The following TRPM3 variants were observed in gnomAD, a reference collection of about 807,000 sequenced individuals.
TRPM3 encodes the protein transient receptor potential cation channel subfamily M member 3, also known as long transient receptor potential channel 3.
In TRPM3, 77 loss-of-function variants were observed where a neutral mutation model predicts 181.2. The observed-to-expected ratio is 0.42, with a 90% CI of 0.35 to 0.51. The LOEUF is 0.51. TRPM3 is among the 20% of genes least tolerant of loss of function. The pLI, the probability that TRPM3 is intolerant of heterozygous loss-of-function variation, is 0.01. For missense variants in TRPM3, 1,759 were observed against 2,196.7 expected (o/e 0.80, Z 3.98); for synonymous variants, 745 against 796.4 (o/e 0.94, Z 1.09).
At chr9:70,818,937 C>T (rs2131550893) in intron 6 of TRPM3, among the ~76,000 whole-genome samples, 1 of 152,258 alleles carries the variant, frequency 6.6e-6, no homozygotes, top group East Asian at 1.9e-4. Context: ...GACGCCAGAG[C>T]CTTCACAGGT....
chr9:71,235,050 C>T (rs79563998), intron 1 of TRPM3, among the ~76,000 whole-genome samples: 1,652 of 152,322 alleles, frequency 0.011, 27 homozygotes, highest in East Asian at 0.074. Flanking sequence ...CTGATGACAG[C>T]GCCAACCTAT....
Position 71,032,085 on chromosome 9 carries a change from A to AC in TRPM3, c.177+89092_177+89093insG, listed in dbSNP as rs373297517. Among the ~76,000 whole-genome samples the AC allele has an allele frequency of 4.9e-3, 57 of 11,666 alleles. 3 individuals carry two copies. The highest frequency in any genetic ancestry group is 5.7e-3 in the Non-Finnish European group (46 of 8,016). The allele number at this position is 11,666 out of a possible 152,430, so 7.7% of individuals were successfully genotyped here. ...ATATATATTATATTATATTATATATATATAATTATATAATATTATATATAT... is the reference window on the plus strand; with the variant it reads ...ATATATATTATATTATATTATATATACTATAATTATATAATATTATATATAT... On this transcript the variant is annotated intron_variant, in intron 1 of 25. Coordinates refer to ENST00000677713, the MANE Select transcript of TRPM3 (RefSeq NM_001366145.2).
intron 1 of TRPM3, among the ~76,000 whole-genome samples, chr9:70,954,458 C>G (rs2097043378): frequency 6.6e-6 from 1 of 152,128 alleles, no homozygotes; most frequent in Admixed American, 6.6e-5. Flanking sequence ...CATCCTGTTT[C>G]CTTGTCTCTA....
intron 1 of TRPM3, among the ~76,000 whole-genome samples, chr9:71,128,700 C>A (rs562282322): frequency 1.1e-4 from 17 of 152,218 alleles, no homozygotes; most frequent in African/African-American, 4.1e-4. Flanking sequence ...AAATAACTTA[C>A]GAATTAATAT....
At chr9:70,813,484 A>T (rs1030177870) in intron 6 of TRPM3, among the ~76,000 whole-genome samples, 1 of 152,178 alleles carries the variant, frequency 6.6e-6, no homozygotes, top group Non-Finnish European at 1.5e-5. Context: ...ATACAAACAT[A>T]AAGACAGAAA....
chr9:70,677,828 C>T (rs897883931), intron 9 of TRPM3, among the ~76,000 whole-genome samples: 3 of 152,024 alleles, frequency 2.0e-5, no homozygotes, highest in Non-Finnish European at 4.4e-5. Context: ...AAAGGGATCG[C>T]CCCCTTTCCA....
intron 1 of TRPM3, among the ~76,000 whole-genome samples, chr9:70,965,897 T>A (rs931358771): frequency 6.6e-6 from 1 of 151,958 alleles, no homozygotes; most frequent in African/African-American, 2.4e-5. Flanking sequence ...AAATGGGATC[T>A]CTTTAAACTA....
chr9:70,947,320 T>G (rs564296659), intron 1 of TRPM3, among the ~76,000 whole-genome samples: 1 of 152,336 alleles, frequency 6.6e-6, no homozygotes, highest in African/African-American at 2.4e-5. Context: ...TGTCTTCTTC[T>G]GTGAAGTAAC....
intron 1 of TRPM3, among the ~76,000 whole-genome samples, chr9:71,343,190 G>A (rs139646074): frequency 4.3e-4 from 66 of 151,932 alleles, no homozygotes; most frequent in Admixed American, 9.9e-4. Context: ...CCTTGAGAGC[G>A]CATAAATGTT....
intron 5 of TRPM3, among the ~76,000 whole-genome samples, chr9:70,839,312 A>T (rs962006716): frequency 2.6e-5 from 4 of 152,178 alleles, no homozygotes; most frequent in African/African-American, 9.6e-5. Flanking sequence ...CACTTAAGTA[A>T]CATGAAGCCC....
intron 1 of TRPM3, among the ~76,000 whole-genome samples, chr9:71,156,647 T>A (rs1397547092): frequency 6.6e-6 from 1 of 152,124 alleles, no homozygotes; most frequent in Admixed American, 6.6e-5. Context: ...TTTCAAGTTA[T>A]TAATAAGACA....
chr9:70,543,637 C>T (rs2044093363), intron 25 of TRPM3, among the ~76,000 whole-genome samples: 1 of 152,066 alleles, frequency 6.6e-6, no homozygotes, highest in African/African-American at 2.4e-5. Flanking sequence ...CTAGTAATAG[C>T]TATGTTTCTG....
At position 70,917,158 on chromosome 9, in the gene TRPM3, G is replaced by A. The variant is rs142992638; in HGVS notation, c.178-52647C>T. 7.1e-4 allele frequency: 1,135 copies of A among 1,605,770 alleles called. 8 individuals carry two copies. The African/African-American group carries it at 0.014, about 19-fold the overall frequency. On this transcript the variant is annotated intron_variant, in intron 1 of 25. Coordinates refer to ENST00000677713, the MANE Select transcript of TRPM3 (RefSeq NM_001366145.2). ...GTTCGGCCACATCTGGGGCATACTG[G>A]TCCAGTTCTAGGAGGAGTTTCTGCT...
chr9:71,323,937 T>A (rs2089456798), intron 1 of TRPM3, among the ~76,000 whole-genome samples: 1 of 152,150 alleles, frequency 6.6e-6, no homozygotes, highest in Non-Finnish European at 1.5e-5. Context: ...ATCCTTTGGC[T>A]TAAGCTAGCC....
At chr9:70,821,708 T>C (rs4412420) in intron 6 of TRPM3, among the ~76,000 whole-genome samples, 93,948 of 152,054 alleles carry the variant, frequency 0.62, 29,238 homozygotes, top group Middle Eastern at 0.74. Flanking sequence ...TTTATGTTCT[T>C]TTAAATGTCA....
At chr9:71,292,382 A>C (rs1042544360) in intron 1 of TRPM3, among the ~76,000 whole-genome samples, 1 of 152,050 alleles carries the variant, frequency 6.6e-6, no homozygotes, top group Non-Finnish European at 1.5e-5. Flanking sequence ...TAACAGAGTT[A>C]ATCTGTTTTT....
At chr9:71,442,908 A>G (rs1045256775) in intron 1 of TRPM3, among the ~76,000 whole-genome samples, 1 of 152,236 alleles carries the variant, frequency 6.6e-6, no homozygotes, top group Non-Finnish European at 1.5e-5. Flanking sequence ...ACAAAGAAAT[A>G]TGAAATCCAA....
At chr9:70,578,925 C>T (rs939639555) in intron 22 of TRPM3, among the ~76,000 whole-genome samples, 2 of 152,154 alleles carry the variant, frequency 1.3e-5, no homozygotes, top group South Asian at 2.1e-4. Flanking sequence ...GTTAGTAGCG[C>T]CCCCTGGGTT....
At chr9:71,182,151 A>G (rs1460868703) in intron 1 of TRPM3, among the ~76,000 whole-genome samples, 2 of 152,242 alleles carry the variant, frequency 1.3e-5, no homozygotes, top group East Asian at 3.9e-4. Flanking sequence ...TGCTAAATAT[A>G]TGATGCATTT....
Sources: gnomAD v4.1 joint callset for allele counts (sites outside exome capture counted in the v4.1 genomes callset) on GRCh38, gnomAD v4.1.1 for gene constraint, MANE v1.5 for transcripts, NCBI Gene and HGNC (gene_info 2026-07-23, HGNC 2026-07-21) for gene names.